Variants in TSPAN18 observed in about 807,000 individuals in gnomAD.
The protein encoded by TSPAN18 is tetraspanin-18.
TSPAN18 carries 14 observed loss-of-function variants against 27.3 expected under a neutral mutation model. That is an observed-to-expected ratio of 0.51 (90% confidence interval 0.34 to 0.80). The LOEUF is 0.80. TSPAN18 is among the 30% of genes least tolerant of loss of function. The pLI, the probability that TSPAN18 is intolerant of heterozygous loss-of-function variation, is 0.01. For missense variants in TSPAN18, 268 were observed against 323.9 expected, an observed-to-expected ratio of 0.83 and a Z score of 1.32; for synonymous variants, 143 against 136.5, an observed-to-expected ratio of 1.05 and a Z score of -0.33.
rs71894571 is a variant in TSPAN18 at position 44,749,632 on chromosome 11, C to CTTTTT, written c.-239-14776_-239-14772dup. Among the ~76,000 whole-genome samples, 350 of 110,290 alleles carry CTTTTT rather than the reference C, an allele frequency of 3.2e-3. 5 individuals are homozygous for CTTTTT. The highest frequency in any genetic ancestry group is 7.4e-3 in the African/African-American group (195 of 26,298). 72.4% of individuals were successfully genotyped at this position (110,290 alleles called of 152,430 possible). A position where few individuals can be genotyped will look rare whatever the true frequency, so the allele number is the denominator to read the frequency against. ...TTGTAGCCACAGAACGTGGAACTTT[C>CTTTTT]TTTTTTTTTTTTTTTTTTTTTTGAG... is the stretch of plus-strand genomic sequence containing the variant. On this transcript the variant is annotated intron_variant, in intron 1 of 9. Coordinates refer to ENST00000520358, the MANE Select transcript of TSPAN18 (RefSeq NM_130783.5).
Position 44,929,253 on chromosome 11 carries a change from C to T in TSPAN18, c.*75C>T, listed in dbSNP as rs1860482807. 1 of 1,584,024 alleles carries T rather than the reference C, an allele frequency of 6.3e-7. No individual in the cohort carries two copies. The highest frequency in any genetic ancestry group is 8.6e-7 in the Non-Finnish European group (1 of 1,156,862). On this transcript the variant is annotated 3_prime_UTR_variant, in exon 10 of 10. Transcript: ENST00000520358. ...ACCCAGTGTCCTCCCGTGCCCCTCC[C>T]CGCTGTCCTCTTGGCCCCAGGGGAG...
intron 2 of TSPAN18, among the ~76,000 whole-genome samples, chr11:44,832,434 T>G (rs777588685): frequency 8.5e-5 from 13 of 152,120 alleles, no homozygotes; most frequent in Admixed American, 3.3e-4. Flanking sequence ...CTCCTTTGCT[T>G]CTCTCATCCC....
intron 2 of TSPAN18, among the ~76,000 whole-genome samples, chr11:44,806,385 A>C (rs1002308838): frequency 6.6e-5 from 10 of 152,154 alleles, no homozygotes; most frequent in African/African-American, 2.4e-4. Flanking sequence ...TGTAGTTCCT[A>C]ACAATTATTA....
chr11:44,834,734 C>T (rs1029078730), intron 2 of TSPAN18, among the ~76,000 whole-genome samples: 2 of 152,148 alleles, frequency 1.3e-5, no homozygotes, highest in Non-Finnish European at 2.9e-5. Context: ...TGAGAATAAT[C>T]ACAACACTCA....
intron 2 of TSPAN18, among the ~76,000 whole-genome samples, chr11:44,776,733 A>G (rs961318118): frequency 1.3e-5 from 2 of 152,136 alleles, no homozygotes; most frequent in African/African-American, 4.8e-5. Context: ...AAGTGGGGAT[A>G]ATGATCGAAA....
At chr11:44,728,626 C>G (rs1244027368) in intron 1 of TSPAN18, among the ~76,000 whole-genome samples, 1 of 152,170 alleles carries the variant, frequency 6.6e-6, no homozygotes. Context: ...CCCTCATCCC[C>G]TGGGTCTGTG....
At chr11:44,797,115 A>G (rs189184877) in intron 2 of TSPAN18, among the ~76,000 whole-genome samples, 97 of 152,300 alleles carry the variant, frequency 6.4e-4, no homozygotes, top group African/African-American at 2.2e-3. Flanking sequence ...CATTGATGCC[A>G]CAAGAAATCC....
intron 2 of TSPAN18, among the ~76,000 whole-genome samples, chr11:44,841,597 T>C (rs1033873811): frequency 2.0e-5 from 3 of 152,240 alleles, no homozygotes; most frequent in Middle Eastern, 3.4e-3. Flanking sequence ...GCTGCCTTAC[T>C]TACAGTAGTC....
intron 1 of TSPAN18, among the ~76,000 whole-genome samples, chr11:44,742,785 G>T (rs543342755): frequency 6.6e-6 from 1 of 152,316 alleles, no homozygotes; most frequent in South Asian, 2.1e-4. Context: ...GGGAGGAGAT[G>T]GCCTCTCCAG....
At chr11:44,881,384 GAGC>G (rs1384319209) in intron 3 of TSPAN18, among the ~76,000 whole-genome samples, 3 of 152,160 alleles carry the variant, frequency 2.0e-5, no homozygotes, top group Non-Finnish European at 2.9e-5. Flanking sequence ...TTCCCTCCAG[GAGC>G]AGCTGGGCAG....
intron 3 of TSPAN18, among the ~76,000 whole-genome samples, chr11:44,872,911 C>T (rs762011899): frequency 6.6e-6 from 1 of 152,162 alleles, no homozygotes; most frequent in Non-Finnish European, 1.5e-5. Flanking sequence ...GATCCATGAC[C>T]AGGCAGTGGC....
chr11:44,771,120 G>A (rs754578427), intron 2 of TSPAN18, among the ~76,000 whole-genome samples: 1 of 152,200 alleles, frequency 6.6e-6, no homozygotes, highest in African/African-American at 2.4e-5. Context: ...GATCACTCAG[G>A]TAGTGAGTGA....
intron 3 of TSPAN18, among the ~76,000 whole-genome samples, chr11:44,894,547 C>G (rs1858972397): frequency 6.6e-6 from 1 of 152,256 alleles, no homozygotes; most frequent in Non-Finnish European, 1.5e-5. Flanking sequence ...TCCTGGGCCC[C>G]TGCTCCGTGC....
chr11:44,860,618 G>C (rs927886529), intron 3 of TSPAN18, 149 bp downstream of exon 3: 5 of 152,268 alleles, frequency 3.3e-5, no homozygotes, highest in African/African-American at 1.2e-4. Flanking sequence ...AGGTCCGTGG[G>C]CAGGATAGTA....
At chr11:44,844,858 G>A (rs1857448099) in intron 2 of TSPAN18, among the ~76,000 whole-genome samples, 1 of 152,134 alleles carries the variant, frequency 6.6e-6, no homozygotes, top group African/African-American at 2.4e-5. Context: ...AACTTCATTT[G>A]CACCAGGCCT....
At chr11:44,908,779 GAA>G (rs1271311521) in intron 4 of TSPAN18, among the ~76,000 whole-genome samples, 2 of 105,784 alleles carry the variant, frequency 1.9e-5, no homozygotes, top group African/African-American at 4.3e-5. Context: ...GAGAAAGAAA[GAA>G]AGAAAGAAAG....
At chr11:44,844,802 G>T (rs564204411) in intron 2 of TSPAN18, among the ~76,000 whole-genome samples, 1 of 151,920 alleles carries the variant, frequency 6.6e-6, no homozygotes, top group Non-Finnish European at 1.5e-5. Context: ...CTTTCTTATG[G>T]TGCCCAGGAA....
chr11:44,785,975 A>G (rs924652132), intron 2 of TSPAN18, among the ~76,000 whole-genome samples: 1 of 152,244 alleles, frequency 6.6e-6, no homozygotes, highest in Admixed American at 6.5e-5. Context: ...TGGATACGGC[A>G]GTCGTGCCTA....
At position 44,919,995 on chromosome 11, in the gene TSPAN18, A is replaced by G; in HGVS notation, c.611A>G (p.Lys204Arg). 1 of 1,613,292 alleles carries G rather than the reference A, an allele frequency of 6.2e-7. No homozygotes were observed. Among genetic ancestry groups the G allele is most frequent in the Non-Finnish European group, 8.5e-7 (1 of 1,179,600 alleles). Residue 204 changes from lysine (K) to arginine (R), a missense_variant, in exon 8 of 10, where the codon AAG becomes AGG. Coordinates refer to ENST00000520358, the MANE Select transcript of TSPAN18 (RefSeq NM_130783.5). ...CLLGRSLFLN[K>R]QGCYTVILNT... The stretch of plus-strand genomic sequence containing the variant: ...CTGGGAAGGAGCCTATTCCTAAACA[A>G]GCAGGTACTGGCCCTGCTCTCCAGA...
Sources: gnomAD v4.1 joint callset for allele counts (sites outside exome capture counted in the v4.1 genomes callset) on GRCh38, gnomAD v4.1.1 for gene constraint, MANE v1.5 for transcripts, NCBI Gene and HGNC (gene_info 2026-07-23, HGNC 2026-07-21) for gene names.